The following FHAD1 variants were observed in gnomAD, a reference collection of about 807,000 sequenced individuals.
FHAD1 encodes forkhead associated phosphopeptide binding domain 1.
Under a neutral mutation model 191.3 loss-of-function variants are expected in FHAD1, and 146 were observed. The ratio of observed to expected loss-of-function variants is 0.76; its 90% confidence interval spans 0.67 to 0.88. FHAD1 has a LOEUF of 0.88. Ranked by LOEUF, FHAD1 falls within the 40% of genes least tolerant of loss-of-function variation. The pLI, the probability that FHAD1 is intolerant of heterozygous loss-of-function variation, is 0.00. For missense variants in FHAD1, 1,635 were observed against 1,785.8 expected (o/e 0.92, Z 1.52); for synonymous variants, 616 against 672.3 (o/e 0.92, Z 1.29).
chr1:15,286,561 G>T (rs1186795485), intron 3 of FHAD1, among the ~76,000 whole-genome samples: 2 of 152,188 alleles, frequency 1.3e-5, no homozygotes, highest in East Asian at 3.8e-4. Context: ...TGCACCCCTT[G>T]GTGCTGGCTA....
intron 7 of FHAD1, 43 bp from the exon 8 acceptor site, chr1:15,313,014 T>C (rs1672767433): frequency 9.0e-6 from 14 of 1,548,170 alleles, no homozygotes; most frequent in Non-Finnish European, 1.1e-5. Flanking sequence ...ATGACAGTCA[T>C]CCTCACTGCC....
rs79884326 is a variant in FHAD1, at chr1:15,285,257, C to T, written c.301-4142C>T. Among the ~76,000 whole-genome samples the T allele has an allele frequency of 7.3e-3, 1,112 of 152,304 alleles. 17 individuals are homozygous for T. Among genetic ancestry groups the T allele is most frequent in the African/African-American group, 0.025 (1,059 of 41,566 alleles). On this transcript the variant is annotated intron_variant, in intron 3 of 33. Transcript: ENST00000688493. ...CTTTCAAAAAACAAACAATGCCGGG[C>T]GCTGTGGCTCATGCCTGTAATCCCA...
chr1:15,292,839 C>T (rs1665351788), intron 4 of FHAD1, among the ~76,000 whole-genome samples: 1 of 152,182 alleles, frequency 6.6e-6, no homozygotes, highest in African/African-American at 2.4e-5. Context: ...CCTGTAATCC[C>T]AGCAGTTTGG....
At chr1:15,324,424 C>G in intron 10 of FHAD1, 28 bp from the exon 11 acceptor site, 1 of 1,491,242 alleles carries the variant, frequency 6.7e-7, no homozygotes, top group Non-Finnish European at 9.2e-7. Context: ...ACATTAGCAG[C>G]AAGTACTCGC....
At chr1:15,265,514 A>G (rs1653018540) in intron 2 of FHAD1, among the ~76,000 whole-genome samples, 1 of 152,182 alleles carries the variant, frequency 6.6e-6, no homozygotes, top group Admixed American at 6.5e-5. Flanking sequence ...CCTTGGCCTA[A>G]CACAAGGCAG....
intron 14 of FHAD1, among the ~76,000 whole-genome samples, chr1:15,332,738 T>C (rs956944469): frequency 6.6e-6 from 1 of 152,144 alleles, no homozygotes; most frequent in Non-Finnish European, 1.5e-5. Flanking sequence ...ACACGGATTG[T>C]AAAGTTAAGC....
chr1:15,272,298 C>T (rs534187667), intron 2 of FHAD1, 25 bp from the exon 3 acceptor site: 9 of 1,541,618 alleles, frequency 5.8e-6, no homozygotes, highest in Non-Finnish European at 7.9e-6. Flanking sequence ...TTCATGGCTA[C>T]GACTGTCCTC....
At chr1:15,250,783 G>T (rs148766275) in intron 1 of FHAD1, among the ~76,000 whole-genome samples, 1 of 152,052 alleles carries the variant, frequency 6.6e-6, no homozygotes, top group Non-Finnish European at 1.5e-5. Flanking sequence ...AGACTGCAGC[G>T]AGCTATGATT....
intron 31 of FHAD1, among the ~76,000 whole-genome samples, chr1:15,387,092 T>C (rs1702319397): frequency 6.6e-6 from 1 of 152,138 alleles, no homozygotes; most frequent in Non-Finnish European, 1.5e-5. Flanking sequence ...TTTTACCATG[T>C]TGCCCAGGCT....
chr1:15,356,921 T>C (rs1004441821), intron 20 of FHAD1, among the ~76,000 whole-genome samples: 9 of 152,008 alleles, frequency 5.9e-5, no homozygotes, highest in African/African-American at 1.9e-4. Flanking sequence ...AATGTCTCAA[T>C]GTCATCGAAC....
chr1:15,280,795 C>T (rs1382300020), intron 3 of FHAD1, among the ~76,000 whole-genome samples: 2 of 152,188 alleles, frequency 1.3e-5, no homozygotes, highest in African/African-American at 4.8e-5. Context: ...TTCTCTTTCC[C>T]ATTTTATGGA....
intron 31 of FHAD1, chr1:15,383,023 C>T (rs959645482): frequency 1.3e-5 from 6 of 463,934 alleles, no homozygotes; most frequent in Admixed American, 2.4e-5. Context: ...CACGCGCACG[C>T]GCACACACTC....
intron 24 of FHAD1, 30 bp from the exon 25 acceptor site, chr1:15,367,432 AC>A (rs946245583): frequency 1.3e-6 from 2 of 1,543,204 alleles, no homozygotes; most frequent in African/African-American, 2.7e-5. Flanking sequence ...GGAGGCAGAG[AC>A]CCCCTTACCG....
At chr1:15,240,933 G>A (rs1162920427) in intron 1 of FHAD1, among the ~76,000 whole-genome samples, 2 of 140,924 alleles carry the variant, frequency 1.4e-5, no homozygotes, top group Non-Finnish European at 3.0e-5. Context: ...CTCCAGCCAG[G>A]CTGACAGAGC....
At chr1:15,301,500 GACC>G in intron 6 of FHAD1, 59 bp downstream of exon 6, 1 of 1,474,962 alleles carries the variant, frequency 6.8e-7, no homozygotes. Flanking sequence ...GAGGCCCCAG[GACC>G]ACCAACCAAG....
intron 19 of FHAD1, among the ~76,000 whole-genome samples, chr1:15,351,733 G>A (rs1158415054): frequency 6.6e-6 from 1 of 152,124 alleles, no homozygotes; most frequent in Non-Finnish European, 1.5e-5. Context: ...TTGTAGGACA[G>A]GCAGGACTTA....
intron 28 of FHAD1, among the ~76,000 whole-genome samples, chr1:15,380,389 A>T (rs966914725): frequency 1.3e-5 from 2 of 152,200 alleles, no homozygotes; most frequent in Non-Finnish European, 2.9e-5. Flanking sequence ...AACACTGCCA[A>T]ATGGCCCAGG....
chr1:15,345,943 C>T (rs377459616), intron 18 of FHAD1, among the ~76,000 whole-genome samples: 62 of 152,248 alleles, frequency 4.1e-4, no homozygotes, highest in Admixed American at 1.0e-3. Flanking sequence ...CAGGACAGTC[C>T]GTCCCAGCAT....
Position 15,329,919 on chromosome 1 carries a change from G to A in FHAD1, c.1906+378G>A, listed in dbSNP as rs1680530929. 4.3e-6 allele frequency: 1 copy of A among 231,816 alleles called. No individual in the cohort carries two copies. Among genetic ancestry groups the A allele is most frequent in the South Asian group, 7.2e-5 (1 of 13,800 alleles). The allele number at this position is 231,816 out of a possible 1,614,324, so 14.4% of individuals were successfully genotyped here. On this transcript the variant is annotated intron_variant, in intron 14 of 33. Coordinates refer to ENST00000688493, the MANE Select transcript of FHAD1 (RefSeq NM_001391957.1). The surrounding 1 kb of genome is among the most constrained non-coding windows in gnomAD (Gnocchi z 5.0). Reference sequence around the variant, plus strand: ...CCCTATCTGTAAAATGAGGCTAATAGGGAGTACCCACCCTTTAGGGCTGTT... The same window carrying A: ...CCCTATCTGTAAAATGAGGCTAATAAGGAGTACCCACCCTTTAGGGCTGTT...
Sources: gnomAD v4.1 joint callset for allele counts (sites outside exome capture counted in the v4.1 genomes callset) on GRCh38, gnomAD v4.1.1 for gene constraint, Gnocchi (gnomAD v3.1) non-coding constraint, MANE v1.5 for transcripts, NCBI Gene and HGNC (gene_info 2026-07-23, HGNC 2026-07-21) for gene names.